Variants in CCSER2 observed in about 807,000 individuals in gnomAD.
The protein encoded by CCSER2 is serine-rich coiled-coil domain-containing protein 2.
In CCSER2, 46 loss-of-function variants were observed where a neutral mutation model predicts 92.3. That is an observed-to-expected ratio of 0.50 (90% CI 0.39 to 0.64). The LOEUF is 0.64. CCSER2 is among the 30% of genes least tolerant of loss of function. The probability of loss-of-function intolerance (pLI) is 0.00; values close to 1 mark genes in which losing one functional copy is unlikely to be tolerated. For synonymous variants in CCSER2, 433 were observed against 431.4 expected, an observed-to-expected ratio of 1.00 and a Z score of -0.04; for missense variants, 1,244 against 1,238.9, an observed-to-expected ratio of 1.00 and a Z score of -0.06.
intron 1 of CCSER2, among the ~76,000 whole-genome samples, chr10:84,354,903 A>G (rs1212608267): frequency 1.3e-5 from 2 of 151,652 alleles, no homozygotes; most frequent in Admixed American, 6.6e-5. Flanking sequence ...ACAAGCCCAG[A>G]ATTTTGAGCT....
At chr10:84,401,308 A>G (rs1300751126) in intron 3 of CCSER2, among the ~76,000 whole-genome samples, 1 of 152,216 alleles carries the variant, frequency 6.6e-6, no homozygotes, top group African/African-American at 2.4e-5. Context: ...ATAAACATTT[A>G]GCAAGACTGA....
chr10:84,421,479 G>A (rs1843146835), intron 4 of CCSER2, among the ~76,000 whole-genome samples: 1 of 152,014 alleles, frequency 6.6e-6, no homozygotes, highest in Non-Finnish European at 1.5e-5. Context: ...GAGCAAAGGG[G>A]GAAAATCCCC....
chr10:84,494,156 G>A (rs1848318453), intron 9 of CCSER2, among the ~76,000 whole-genome samples: 1 of 152,170 alleles, frequency 6.6e-6, no homozygotes, highest in Non-Finnish European at 1.5e-5. Context: ...GTGTTGTCAG[G>A]TTGCTAATAG....
intron 1 of CCSER2, among the ~76,000 whole-genome samples, chr10:84,364,368 G>A (rs1249167305): frequency 1.3e-5 from 2 of 152,128 alleles, no homozygotes; most frequent in Non-Finnish European, 2.9e-5. Context: ...GTCCATTATT[G>A]ACTGTAACAT....
chr10:84,406,532 C>CA (rs2133340693), intron 3 of CCSER2, among the ~76,000 whole-genome samples: 1 of 152,300 alleles, frequency 6.6e-6, no homozygotes, highest in Non-Finnish European at 1.5e-5. Context: ...AATGTGTTCT[C>CA]AAAGTCCAAG....
intron 9 of CCSER2, among the ~76,000 whole-genome samples, chr10:84,508,479 T>C (rs937403148): frequency 1.3e-5 from 2 of 152,202 alleles, no homozygotes; most frequent in African/African-American, 4.8e-5. Flanking sequence ...ATATCTCACC[T>C]CAGTGATAGA....
At chr10:84,502,116 T>TG (rs2131845618) in intron 9 of CCSER2, among the ~76,000 whole-genome samples, 1 of 148,960 alleles carries the variant, frequency 6.7e-6, no homozygotes, top group South Asian at 2.1e-4. Flanking sequence ...TAATAAAGGG[T>TG]TTTTTTTTAG....
At chr10:84,500,096 T>G (rs1848646779) in intron 9 of CCSER2, 1 of 1,147,586 alleles carries the variant, frequency 8.7e-7, no homozygotes, top group African/African-American at 1.5e-5. Context: ...CAGCACTCTC[T>G]GTGGTCTCCT....
intron 1 of CCSER2, among the ~76,000 whole-genome samples, chr10:84,351,176 G>A (rs931214371): frequency 4.6e-5 from 7 of 151,632 alleles, no homozygotes; most frequent in Admixed American, 2.6e-4. Context: ...GGTACATGAA[G>A]TAATGAGAAT....
intron 8 of CCSER2, among the ~76,000 whole-genome samples, chr10:84,474,826 T>C (rs564425596): frequency 1.6e-4 from 25 of 152,324 alleles, no homozygotes; most frequent in African/African-American, 5.8e-4. Context: ...AATCAGTGCA[T>C]ATCTTATGAT....
At chr10:84,469,394 T>A (rs1292850346) in intron 7 of CCSER2, among the ~76,000 whole-genome samples, 1 of 152,130 alleles carries the variant, frequency 6.6e-6, no homozygotes, top group Non-Finnish European at 1.5e-5. Flanking sequence ...AATAGCATTT[T>A]AAAAATCTTC....
chr10:84,476,591 C>T (rs1007998041), intron 8 of CCSER2, among the ~76,000 whole-genome samples: 22 of 151,588 alleles, frequency 1.5e-4, no homozygotes, highest in African/African-American at 5.3e-4. Flanking sequence ...CTACAGGTGC[C>T]CGCCACCACA....
At chr10:84,350,023 G>A (rs182064824) in intron 1 of CCSER2, among the ~76,000 whole-genome samples, 44 of 152,128 alleles carry the variant, frequency 2.9e-4, no homozygotes, top group Admixed American at 1.1e-3. Flanking sequence ...GCATGGTGGT[G>A]GCACCTGTAA....
chr10:84,430,865 G>C (rs557142690), intron 5 of CCSER2, among the ~76,000 whole-genome samples: 44 of 152,306 alleles, frequency 2.9e-4, no homozygotes, highest in African/African-American at 1.0e-3. Context: ...TGTTCTTAGT[G>C]CTTTAATGGA....
chr10:84,401,597 C>T (rs1241300971), intron 3 of CCSER2, among the ~76,000 whole-genome samples: 3 of 152,032 alleles, frequency 2.0e-5, no homozygotes, highest in Non-Finnish European at 4.4e-5. Context: ...CCAATTTTAC[C>T]AAACAATTAA....
chr10:84,448,750 C>T (rs1030079799), intron 6 of CCSER2, among the ~76,000 whole-genome samples: 1 of 152,154 alleles, frequency 6.6e-6, no homozygotes, highest in Non-Finnish European at 1.5e-5. Context: ...TTTCTCAAAC[C>T]CGGCCCAGGC....
At chr10:84,498,078 G>T (rs183376204) in intron 9 of CCSER2, among the ~76,000 whole-genome samples, 2 of 152,282 alleles carry the variant, frequency 1.3e-5, no homozygotes, top group East Asian at 1.9e-4. Flanking sequence ...CCACAGACCT[G>T]CAAAGGTAAA....
intron 3 of CCSER2, among the ~76,000 whole-genome samples, chr10:84,410,087 T>C (rs1350631386): frequency 6.6e-6 from 1 of 152,204 alleles, no homozygotes; most frequent in Admixed American, 6.5e-5. Context: ...GCAAAGGACA[T>C]GATCTCATTC....
intron 3 of CCSER2, among the ~76,000 whole-genome samples, chr10:84,411,979 T>A (rs1842673620): frequency 6.6e-6 from 1 of 152,216 alleles, no homozygotes; most frequent in African/African-American, 2.4e-5. Flanking sequence ...TTGAGGTATG[T>A]TCCTTCACTG....
Sources: allele counts gnomAD v4.1 joint callset (sites outside exome capture counted in the v4.1 genomes callset), GRCh38; gene constraint gnomAD v4.1.1; transcripts MANE v1.5; gene names NCBI Gene and HGNC (gene_info 2026-07-23, HGNC 2026-07-21).